The following SLF1 variants were observed in gnomAD, a reference collection of about 807,000 sequenced individuals.
The protein encoded by SLF1 is SMC5-SMC6 complex localization factor protein 1.
In SLF1, 105 loss-of-function variants were observed where a neutral mutation model predicts 123.0. The observed-to-expected ratio is 0.85, with a 90% confidence interval of 0.73 to 1.00. SLF1 has a LOEUF of 1.00. Ranked by LOEUF, SLF1 falls within the 50% of genes least tolerant of loss-of-function variation. The probability of loss-of-function intolerance (pLI) is 0.00; values close to 1 mark genes in which losing one functional copy is unlikely to be tolerated. For missense variants in SLF1, 1,239 were observed against 1,223.0 expected (o/e 1.01, Z -0.20); for synonymous variants, 434 against 406.6 (o/e 1.07, Z -0.81).
chr5:94,671,098 C>T (rs1750384951), intron 14 of SLF1, 90 bp downstream of exon 14: 1 of 958,350 alleles, frequency 1.0e-6, no homozygotes, highest in Non-Finnish European at 1.5e-6. Context: ...CTTTGGATCA[C>T]TCGAAAACAA....
chr5:94,675,625 T>C (rs536789307), intron 14 of SLF1, among the ~76,000 whole-genome samples: 1 of 152,194 alleles, frequency 6.6e-6, no homozygotes, highest in African/African-American at 2.4e-5. Flanking sequence ...AGAACCTGAG[T>C]TGAAAGTGTC....
chr5:94,618,995 G>C (rs1275526371), intron 1 of SLF1, among the ~76,000 whole-genome samples: 6 of 152,138 alleles, frequency 3.9e-5, no homozygotes. Context: ...TGCAGACCCC[G>C]CGACGCTTCG....
At chr5:94,663,639 C>A in intron 10 of SLF1, 111 bp from the exon 11 acceptor site, 1 of 961,672 alleles carries the variant, frequency 1.0e-6, no homozygotes, top group Non-Finnish European at 1.5e-6. Context: ...AGTGAGACTC[C>A]GTCTCAAATG....
At position 94,692,256 on chromosome 5, in the gene SLF1, G is replaced by A; in HGVS notation, c.2695G>A (p.Gly899Ser). The A allele has an allele frequency of 1.9e-6, 3 of 1,612,198 alleles. No homozygotes were observed. Among genetic ancestry groups the A allele is most frequent in the Non-Finnish European group, 2.5e-6 (3 of 1,178,818 alleles). ...EIGKLLLQHG[G>S]PVLLQQRNAK... is the part of the protein sequence containing the mutation. Reference sequence around the variant, plus strand: ...TGGCAAGCTGCTACTACAGCATGGGGGTGAGTGTGTTTATGCTAAATGGGT... The same window carrying A: ...TGGCAAGCTGCTACTACAGCATGGGAGTGAGTGTGTTTATGCTAAATGGGT... The change falls in exon 20 of 21, where the codon GGC (glycine) becomes AGC (serine). Residue 899 changes from glycine (G) to serine (S), a missense_variant and splice_region_variant. Transcript: ENST00000265140.
intron 1 of SLF1, 34 bp from the exon 2 acceptor site, chr5:94,628,775 AAC>A (rs1561420210): frequency 7.3e-7 from 1 of 1,366,196 alleles, no homozygotes; most frequent in South Asian, 1.4e-5. Flanking sequence ...TAATATCTTT[AAC>A]ACACATTATC....
intron 9 of SLF1, among the ~76,000 whole-genome samples, chr5:94,660,342 G>A (rs567297844): frequency 6.6e-6 from 1 of 152,316 alleles, no homozygotes; most frequent in South Asian, 2.1e-4. Flanking sequence ...TCATATCAGC[G>A]TGCTCAAGTG....
Position 94,695,059 on chromosome 5 carries a change from A to C in SLF1, c.2924A>C (p.Glu975Ala). The C allele has an allele frequency of 6.2e-7, 1 of 1,612,552 alleles. No homozygotes were observed. The highest frequency in any genetic ancestry group is 8.5e-7 in the Non-Finnish European group (1 of 1,179,140). The change falls in exon 21 of 21, where the codon GAG becomes GCG. Residue 975 changes from glutamate to alanine, a missense_variant. Transcript: ENST00000265140. Reference sequence around the variant, plus strand: ...TGTTCAATTTTTGATTTATCTTCAGAGTTCATTTTAGCTTCCAAAGGGTTA... The same window carrying C: ...TGTTCAATTTTTGATTTATCTTCAGCGTTCATTTTAGCTTCCAAAGGGTTA... ...NFCSIFDLSS[E>A]FILASKGLTH...
At chr5:94,625,895 C>T (rs1792194113) in intron 1 of SLF1, among the ~76,000 whole-genome samples, 2 of 152,098 alleles carry the variant, frequency 1.3e-5, no homozygotes, top group South Asian at 4.1e-4. Flanking sequence ...ATTGCTGGTC[C>T]ATATTGTTAA....
At chr5:94,621,110 A>G (rs541236169) in intron 1 of SLF1, among the ~76,000 whole-genome samples, 97 of 152,322 alleles carry the variant, frequency 6.4e-4, no homozygotes, top group African/African-American at 2.1e-3. Context: ...GCTGTTCTAA[A>G]TGTCTTCCCA....
chr5:94,691,331 T>C, intron 18 of SLF1: 1 of 447,580 alleles, frequency 2.2e-6, no homozygotes, highest in Non-Finnish European at 3.9e-6. Flanking sequence ...CAGTAGAATT[T>C]CATTGCTGAA....
At chr5:94,689,726 G>A (rs1585241959) in intron 18 of SLF1, 120 bp downstream of exon 18, 5 of 836,188 alleles carry the variant, frequency 6.0e-6, no homozygotes, top group Admixed American at 2.8e-5. Flanking sequence ...CTAGGTCCAG[G>A]AAGTACCTTC....
intron 19 of SLF1, 126 bp downstream of exon 19, chr5:94,691,782 A>ATTTC (rs1388309715): frequency 1.2e-5 from 9 of 780,172 alleles, no homozygotes; most frequent in Non-Finnish European, 1.7e-5. Context: ...TATAAGAAAA[A>ATTTC]TTTCTTAGCA....
At chr5:94,681,040 T>C (rs942374804) in intron 15 of SLF1, among the ~76,000 whole-genome samples, 2 of 152,226 alleles carry the variant, frequency 1.3e-5, no homozygotes, top group Non-Finnish European at 2.9e-5. Flanking sequence ...TCTCAAAATG[T>C]ACACGTGTGC....
At chr5:94,634,438 T>C (rs1745531245) in intron 4 of SLF1, among the ~76,000 whole-genome samples, 1 of 152,214 alleles carries the variant, frequency 6.6e-6, no homozygotes, top group Admixed American at 6.5e-5. Flanking sequence ...GTATTTGTCT[T>C]TCTGTGCTGG....
intron 11 of SLF1, 122 bp from the exon 12 acceptor site, chr5:94,665,739 C>G: frequency 2.3e-6 from 2 of 885,024 alleles, no homozygotes; most frequent in Non-Finnish European, 3.3e-6. Context: ...GGTGACAGAG[C>G]CAGACTCCGT....
intron 19 of SLF1, 34 bp from the exon 20 acceptor site, chr5:94,692,037 TCTG>T: frequency 1.2e-6 from 2 of 1,602,888 alleles, no homozygotes; most frequent in Non-Finnish European, 1.7e-6. Context: ...AAGTCCTACT[TCTG>T]CTGTTTTAAA....
chr5:94,635,631 T>C (rs1173754377), intron 4 of SLF1, among the ~76,000 whole-genome samples: 2 of 152,118 alleles, frequency 1.3e-5, no homozygotes, highest in East Asian at 3.8e-4. Context: ...CATGTAGTTA[T>C]ATAAAACATT....
In SLF1 at chr5:94,695,501, C is replaced by T; in HGVS notation, c.*189C>T. On this transcript the variant is annotated 3_prime_UTR_variant, in exon 21 of 21. Coordinates refer to ENST00000265140, the MANE Select transcript of SLF1 (RefSeq NM_032290.4). ...CTCTAGTATGGGCTTCTGACTTTTT[C>T]CAGGGTGTAGAATTTGACTCAAAAG... The T allele has an allele frequency of 4.0e-6, 2 of 500,336 alleles. No homozygotes were observed. Among genetic ancestry groups the T allele is most frequent in the South Asian group, 1.1e-4 (2 of 17,494 alleles). The allele number at this position is 500,336 out of a possible 1,614,324, so 31.0% of individuals were successfully genotyped here.
At chr5:94,626,140 C>A (rs1792221806) in intron 1 of SLF1, among the ~76,000 whole-genome samples, 1 of 151,466 alleles carries the variant, frequency 6.6e-6, no homozygotes, top group South Asian at 2.1e-4. Flanking sequence ...GTAGTCCCAG[C>A]TACTCAGGAG....
Sources: gnomAD v4.1 joint callset for allele counts (sites outside exome capture counted in the v4.1 genomes callset) on GRCh38, gnomAD v4.1.1 for gene constraint, MANE v1.5 for transcripts, NCBI Gene and HGNC (gene_info 2026-07-23, HGNC 2026-07-21) for gene names.